NOP14: variants seen among roughly 807,000 people sequenced by gnomAD.
The protein encoded by NOP14 is nucleolar protein 14.
Under a neutral mutation model 101.6 loss-of-function variants are expected in NOP14, and 57 were observed. The observed-to-expected ratio is 0.56, with a 90% CI of 0.45 to 0.70. The LOEUF (loss-of-function observed/expected upper bound fraction) is 0.70. Ranked by LOEUF, NOP14 falls within the 30% of genes least tolerant of loss-of-function variation. NOP14 has a pLI of 0.00. For synonymous variants in NOP14, 428 were observed against 424.0 expected (o/e 1.01, Z -0.12); for missense variants, 1,134 against 1,075.5 (o/e 1.05, Z -0.76).
intron 1 of NOP14, among the ~76,000 whole-genome samples, chr4:2,960,699 T>C (rs1010372594): frequency 2.9e-5 from 4 of 137,616 alleles, no homozygotes; most frequent in African/African-American, 8.5e-5. Flanking sequence ...ATAATCACAT[T>C]AATATTAATA....
rs1451516715 is a variant in NOP14 at position 2,963,302 on chromosome 4, C to T, written c.18G>A (p.Lys6=). 2 of 1,587,804 alleles carry T rather than the reference C, an allele frequency of 1.3e-6. No homozygotes were observed. The highest frequency in any genetic ancestry group is 1.7e-6 in the Non-Finnish European group (2 of 1,170,730). Residue 6 remains lysine (K), a synonymous_variant, in exon 1 of 18, where the codon AAG becomes AAA. Coordinates refer to ENST00000416614, the MANE Select transcript of NOP14 (RefSeq NM_001291978.2). The part of the protein sequence containing the change: MAKAK[K]VGARRKASGA... ...CGGAGGCCTTCCTTCGCGCCCCGACCTTCTTCGCCTTCGCCATGGCGCGCG... is the reference window on the plus strand; with the variant it reads ...CGGAGGCCTTCCTTCGCGCCCCGACTTTCTTCGCCTTCGCCATGGCGCGCG...
chr4:2,946,396 A>G lies in NOP14; in HGVS notation c.1635+16T>C. The G allele has an allele frequency of 1.9e-6, 3 of 1,614,032 alleles. No homozygotes were observed. Among genetic ancestry groups the G allele is most frequent in the Non-Finnish European group, 2.5e-6 (3 of 1,179,916 alleles). On this transcript the variant is annotated intron_variant, in intron 11 of 17. Transcript: ENST00000416614. ...CTTCTGTGGCAGGGGCAGTGCCTAG[A>G]CTGAACTCTGCTTACCACATCCAAC...
At chr4:2,939,461 C>T (rs1158116702) in intron 16 of NOP14, 66 bp downstream of exon 16, 41 of 1,593,884 alleles carry the variant, frequency 2.6e-5, no homozygotes, top group Admixed American at 3.3e-5. Context: ...AACTGGCAGA[C>T]GCCCCCCGTC....
In NOP14 at chr4:2,938,336, C is replaced by T. The variant is rs1415790633; in HGVS notation, c.*495G>A. 3.4e-6 allele frequency: 2 copies of T among 591,364 alleles called. No homozygotes were observed. The highest frequency in any genetic ancestry group is 2.8e-6 in the Non-Finnish European group (1 of 359,632). 36.6% of individuals were successfully genotyped at this position (591,364 alleles called of 1,614,324 possible). A position where few individuals can be genotyped will look rare whatever the true frequency, so the allele number is the denominator to read the frequency against. On this transcript the variant is annotated 3_prime_UTR_variant, in exon 18 of 18. Transcript: ENST00000416614. Reference sequence around the variant, plus strand: ...GGGAATTCGAGACCAGCCTGACCAACATGGAGAAACCCCGTCTCTACTAAA... The same window carrying T: ...GGGAATTCGAGACCAGCCTGACCAATATGGAGAAACCCCGTCTCTACTAAA...
chr4:2,939,417 T>G, intron 16 of NOP14, 74 bp from the exon 17 acceptor site: 1 of 1,601,032 alleles, frequency 6.2e-7, no homozygotes, highest in South Asian at 1.1e-5. Flanking sequence ...CTTGGGAGTG[T>G]GGCTTCACTC....
chr4:2,938,836 T>G lies in NOP14; in HGVS notation c.2569A>C (p.Lys857Gln), dbSNP rs1713894275. The G allele has an allele frequency of 1.2e-6, 2 of 1,612,120 alleles. No homozygotes were observed. The change falls in exon 18 of 18, where the codon AAA becomes CAA. Residue 857 changes from lysine to glutamine, a missense_variant. By Grantham distance (53) the Lys-to-Gln change is moderately conservative (BLOSUM62 1). Coordinates refer to ENST00000416614, the MANE Select transcript of NOP14 (RefSeq NM_001291978.2). ...CCTTATTTATAAAATGTAATTTATTTTTTGAACTTTTTCCTCTTCAGAGCC... is the reference window on the plus strand; with the variant it reads ...CCTTATTTATAAAATGTAATTTATTGTTTGAACTTTTTCCTCTTCAGAGCC... Reference protein sequence around the residue: ...WKALKRKKFKK With the variant: ...WKALKRKKFKQ
At position 2,941,667 on chromosome 4, in the gene NOP14, A is replaced by C. The variant is rs1208760104; in HGVS notation, c.2114T>G (p.Leu705Arg). The change falls in exon 15 of 18, where the codon CTG becomes CGG. Residue 705 changes from leucine to arginine, a missense_variant. Physicochemically the swap from Leu to Arg is moderately radical, Grantham distance 102. Coordinates refer to ENST00000416614, the MANE Select transcript of NOP14 (RefSeq NM_001291978.2). ...LKRCVLMYGS[L>R]PSFHAIMGPL... ...CCCCATGATGGCGTGGAAGGATGGC[A>C]GGGACCCGTACATGAGCACGCAGCG... 1.9e-6 allele frequency: 3 copies of C among 1,613,424 alleles called. No individual in the cohort carries two copies. The highest frequency in any genetic ancestry group is 2.2e-5 in the South Asian group (2 of 90,860).
At chr4:2,942,425 CCTGTGGAAG>C in intron 13 of NOP14, 74 bp from the exon 14 acceptor site, 1 of 1,468,888 alleles carries the variant, frequency 6.8e-7, no homozygotes, top group Non-Finnish European at 9.4e-7. Context: ...CGGCACCGAG[CCTGTGGAAG>C]TTCACCCTCT....
At position 2,956,716 on chromosome 4, in the gene NOP14, G is replaced by A; in HGVS notation, c.426C>T (p.Asp142=). The A allele has an allele frequency of 6.2e-7, 1 of 1,613,606 alleles. No homozygotes were observed. The highest frequency in any genetic ancestry group is 8.5e-7 in the Non-Finnish European group (1 of 1,179,874). Residue 142 remains aspartate, a synonymous_variant, in exon 3 of 18, where the codon GAC becomes GAT. Transcript: ENST00000416614. ...QSLADIEKHN[D]IVDSDSDAED... ...CAGCATCGCTGTCACTGTCCACAAT[G>A]TCATTATGCTTCTCGATGTCTGCCA...
At chr4:2,960,876 CATT>C (rs200345387) in intron 1 of NOP14, among the ~76,000 whole-genome samples, 13,807 of 89,850 alleles carry the variant, frequency 0.15, 1,588 homozygotes, top group Non-Finnish European at 0.2. Flanking sequence ...ATTATAATTA[CATT>C]ATTATTATAT....
chr4:2,950,527 G>T, intron 7 of NOP14: 1 of 415,532 alleles, frequency 2.4e-6, no homozygotes, highest in Non-Finnish European at 4.4e-6. Flanking sequence ...TTAGCAGGAG[G>T]AGTGTCTACA....
Position 2,946,659 on chromosome 4 carries a change from T to C in NOP14, c.1500-112A>G, listed in dbSNP as rs113928012. The C allele has an allele frequency of 1.9e-3, 1,711 of 894,666 alleles. 18 individuals carry two copies. Among genetic ancestry groups the C allele is most frequent in the African/African-American group, 0.012 (703 of 59,650 alleles). 55.4% of individuals were successfully genotyped at this position (894,666 alleles called of 1,614,324 possible). A position where few individuals can be genotyped will look rare whatever the true frequency, so the allele number is the denominator to read the frequency against. On this transcript the variant is annotated intron_variant, in intron 10 of 17. Transcript: ENST00000416614. ...ACCTGTTGACTGAGCAAGTAAGAACTGGATGAATCCGCTTTTTCTAACAGC... is the reference window on the plus strand; with the variant it reads ...ACCTGTTGACTGAGCAAGTAAGAACCGGATGAATCCGCTTTTTCTAACAGC...
At chr4:2,942,994 C>T (rs1334978605) in intron 13 of NOP14, among the ~76,000 whole-genome samples, 2 of 152,224 alleles carry the variant, frequency 1.3e-5, no homozygotes, top group East Asian at 3.8e-4. Flanking sequence ...CACACTTCCC[C>T]AAAGCCGAGA....
At chr4:2,947,473 A>T in intron 10 of NOP14, 53 bp downstream of exon 10, 7 of 1,253,258 alleles carry the variant, frequency 5.6e-6, no homozygotes, top group Non-Finnish European at 8.2e-6. Flanking sequence ...TAAATGGGAG[A>T]AAAATTGTTC....
chr4:2,961,145 T>G (rs1325356035), intron 1 of NOP14, among the ~76,000 whole-genome samples: 1 of 49,076 alleles, frequency 2.0e-5, no homozygotes, highest in Non-Finnish European at 3.3e-5. Flanking sequence ...ATTAATATAC[T>G]AATATAATAA....
chr4:2,949,921 C>T lies in NOP14; in HGVS notation c.1282+13G>A, dbSNP rs367784501. 1.6e-5 allele frequency: 26 copies of T among 1,613,846 alleles called. No individual in the cohort carries two copies. Among genetic ancestry groups the T allele is most frequent in the East Asian group, 1.1e-4 (5 of 44,884 alleles). On this transcript the variant is annotated intron_variant, in intron 8 of 17. Transcript: ENST00000416614. Reference sequence around the variant, plus strand: ...TTATCCCAGAACCTGAGGAAACCCGCGCACTTGCCCACCTGCGAACGTGTA... The same window carrying T: ...TTATCCCAGAACCTGAGGAAACCCGTGCACTTGCCCACCTGCGAACGTGTA...
At chr4:2,949,865 AAC>A (rs1390315006) in intron 8 of NOP14, 67 bp downstream of exon 8, 9 of 1,576,226 alleles carry the variant, frequency 5.7e-6, no homozygotes, top group Admixed American at 1.7e-5. Flanking sequence ...GAGGGAGACG[AAC>A]ACACACAGCT....
chr4:2,951,296 T>A (rs1409904162), intron 6 of NOP14, 51 bp from the exon 7 acceptor site: 1 of 1,589,320 alleles, frequency 6.3e-7, no homozygotes, highest in African/African-American at 1.3e-5. Context: ...CAACATATGG[T>A]GAGGGGGCCG....
chr4:2,957,712 T>A lies in NOP14; in HGVS notation c.224A>T (p.Lys75Ile). Residue 75 changes from lysine (K) to isoleucine (I), a missense_variant, in exon 2 of 18, where the codon AAA becomes ATA. By Grantham distance (102) the Lys-to-Ile change is moderately radical (BLOSUM62 -3). Coordinates refer to ENST00000416614, the MANE Select transcript of NOP14 (RefSeq NM_001291978.2). ...KRTQTLLKEY[K>I]ERDKSNVFRD... ...GAATACATTGGATTTATCCCTTTCTTTGTACTCTTTTAGTAAAGTCTGTGT... is the reference window on the plus strand; with the variant it reads ...GAATACATTGGATTTATCCCTTTCTATGTACTCTTTTAGTAAAGTCTGTGT... 1 of 1,614,198 alleles carries A rather than the reference T, an allele frequency of 6.2e-7. No individual in the cohort carries two copies. The highest frequency in any genetic ancestry group is 2.2e-5 in the East Asian group (1 of 44,892).
Sources: allele counts gnomAD v4.1 joint callset (sites outside exome capture counted in the v4.1 genomes callset), GRCh38; gene constraint gnomAD v4.1.1; transcripts MANE v1.5; gene names NCBI Gene and HGNC (gene_info 2026-07-23, HGNC 2026-07-21).